ZZZ3: variants seen among roughly 807,000 people sequenced by gnomAD.
The protein encoded by ZZZ3 is zinc finger ZZ-type containing 3.
A neutral mutation model predicts 95.2 loss-of-function variants in ZZZ3; 22 were observed. The observed-to-expected ratio is 0.23, with a 90% CI of 0.17 to 0.33. The LOEUF (loss-of-function observed/expected upper bound fraction) is 0.33. ZZZ3 is among the 10% of genes least tolerant of loss of function. The pLI is 1.00. For missense variants in ZZZ3, 885 were observed against 1,066.5 expected (o/e 0.83, Z 2.37); for synonymous variants, 335 against 358.9 (o/e 0.93, Z 0.75).
At chr1:77,571,288 AT>A (rs781331299) in intron 12 of ZZZ3, among the ~76,000 whole-genome samples, 157 of 152,032 alleles carry the variant, frequency 1.0e-3, no homozygotes, top group Admixed American at 1.4e-3. Flanking sequence ...TACTGAAAAA[AT>A]AAATAAATAA....
chr1:77,619,916 GC>G (rs1323233157), intron 5 of ZZZ3, among the ~76,000 whole-genome samples: 8 of 151,988 alleles, frequency 5.3e-5, no homozygotes, highest in Admixed American at 4.6e-4. Flanking sequence ...TGAAAAGCAT[GC>G]TAAATTTTTC....
At chr1:77,648,021 G>C (rs1281180586) in intron 1 of ZZZ3, among the ~76,000 whole-genome samples, 1 of 152,122 alleles carries the variant, frequency 6.6e-6, no homozygotes, top group Non-Finnish European at 1.5e-5. Context: ...AAAAAATCCA[G>C]CTCCAAACAA....
chr1:77,628,773 T>C (rs1223220040), intron 5 of ZZZ3, among the ~76,000 whole-genome samples: 1 of 152,202 alleles, frequency 6.6e-6, no homozygotes, highest in Non-Finnish European at 1.5e-5. Flanking sequence ...CTCAGTATTT[T>C]CTATTAACAA....
At chr1:77,575,581 A>G (rs1033726109) in intron 12 of ZZZ3, among the ~76,000 whole-genome samples, 3 of 152,222 alleles carry the variant, frequency 2.0e-5, no homozygotes, top group Admixed American at 2.0e-4. Flanking sequence ...AAAATTCTAT[A>G]AGACAAATGA....
intron 5 of ZZZ3, among the ~76,000 whole-genome samples, chr1:77,600,662 T>C (rs1168480876): frequency 6.6e-6 from 1 of 151,728 alleles, no homozygotes; most frequent in East Asian, 1.9e-4. Flanking sequence ...GTTCCCGGGG[T>C]TGTTCCAAAC....
chr1:77,591,134 A>G (rs1359817899), intron 5 of ZZZ3, among the ~76,000 whole-genome samples: 2 of 150,372 alleles, frequency 1.3e-5, no homozygotes, highest in Admixed American at 1.3e-4. Context: ...CAACCAGAGG[A>G]CATAAGGTGA....
intron 1 of ZZZ3, among the ~76,000 whole-genome samples, chr1:77,648,627 GTCAA>G (rs1669519996): frequency 6.6e-6 from 1 of 152,076 alleles, no homozygotes; most frequent in Admixed American, 6.6e-5. Context: ...GAAAGAAAAG[GTCAA>G]TCAATCTGAT....
chr1:77,667,394 T>G (rs1671335002), intron 1 of ZZZ3, among the ~76,000 whole-genome samples: 1 of 152,146 alleles, frequency 6.6e-6, no homozygotes, highest in Non-Finnish European at 1.5e-5. Flanking sequence ...CCGTCTCCCT[T>G]GCAGTATGAA....
chr1:77,564,093 T>C lies in ZZZ3; in HGVS notation c.*1547A>G, dbSNP rs1479973069. 1 of 152,078 alleles carries C rather than the reference T, an allele frequency of 6.6e-6. No homozygotes were observed. The highest frequency in any genetic ancestry group is 1.5e-5 in the Non-Finnish European group (1 of 68,000). 9.4% of individuals were successfully genotyped at this position (152,078 alleles called of 1,614,324 possible). A position where few individuals can be genotyped will look rare whatever the true frequency, so the allele number is the denominator to read the frequency against. On this transcript the variant is annotated 3_prime_UTR_variant, in exon 15 of 15. Coordinates refer to ENST00000370801, the MANE Select transcript of ZZZ3 (RefSeq NM_015534.6). ...AGAATATTTATACTATCTTTTCCTATAGTTAATAGTAATTTCCAGGAAACA... is the reference window on the plus strand; with the variant it reads ...AGAATATTTATACTATCTTTTCCTACAGTTAATAGTAATTTCCAGGAAACA...
intron 1 of ZZZ3, among the ~76,000 whole-genome samples, chr1:77,675,548 C>T (rs1208024639): frequency 1.3e-5 from 2 of 151,860 alleles, no homozygotes; most frequent in South Asian, 2.1e-4. Context: ...TACATCACAT[C>T]GAATTGTTCA....
intron 10 of ZZZ3, among the ~76,000 whole-genome samples, chr1:77,579,287 GAAATT>G (rs1662267947): frequency 6.6e-6 from 1 of 152,116 alleles, no homozygotes; most frequent in East Asian, 1.9e-4. Context: ...GCATTCAAGA[GAAATT>G]AAGTCCATTA....
At chr1:77,627,438 C>T (rs555902045) in intron 5 of ZZZ3, among the ~76,000 whole-genome samples, 1 of 152,258 alleles carries the variant, frequency 6.6e-6, no homozygotes, top group South Asian at 2.1e-4. Context: ...AAAGAAATTA[C>T]TTTGACCAAC....
intron 5 of ZZZ3, among the ~76,000 whole-genome samples, chr1:77,629,183 T>C (rs1194925962): frequency 6.6e-6 from 1 of 152,162 alleles, no homozygotes; most frequent in African/African-American, 2.4e-5. Context: ...AAAGAGACTT[T>C]ACTGAAAGAG....
At chr1:77,658,302 T>C (rs570887354) in intron 1 of ZZZ3, among the ~76,000 whole-genome samples, 1 of 152,228 alleles carries the variant, frequency 6.6e-6, no homozygotes. Flanking sequence ...CTGGCATTTA[T>C]TCCCCACTTA....
At chr1:77,661,853 G>C (rs539358004) in intron 1 of ZZZ3, among the ~76,000 whole-genome samples, 2 of 151,934 alleles carry the variant, frequency 1.3e-5, no homozygotes, top group Non-Finnish European at 2.9e-5. Context: ...GTCTTGCTCT[G>C]TTGCCCAGGC....
chr1:77,638,430 C>A (rs999128864), intron 4 of ZZZ3, among the ~76,000 whole-genome samples: 2 of 152,096 alleles, frequency 1.3e-5, no homozygotes, highest in South Asian at 2.1e-4. Context: ...TAGAACTGTA[C>A]GCATAAGAAC....
At chr1:77,602,124 C>T (rs1664790255) in intron 5 of ZZZ3, among the ~76,000 whole-genome samples, 1 of 152,182 alleles carries the variant, frequency 6.6e-6, no homozygotes, top group African/African-American at 2.4e-5. Flanking sequence ...GAAACCATGC[C>T]TTTAGAGTTG....
chr1:77,577,866 G>A (rs1235119484), intron 11 of ZZZ3, among the ~76,000 whole-genome samples: 8 of 152,050 alleles, frequency 5.3e-5, no homozygotes, highest in African/African-American at 9.7e-5. Context: ...TGATCCACCC[G>A]CCTCGGCCTC....
At chr1:77,604,998 C>T (rs1224891301) in intron 5 of ZZZ3, among the ~76,000 whole-genome samples, 1 of 152,120 alleles carries the variant, frequency 6.6e-6, no homozygotes, top group Admixed American at 6.5e-5. Context: ...TATAAGGCTC[C>T]ACCGATGGTC....
Sources: allele counts gnomAD v4.1 joint callset (sites outside exome capture counted in the v4.1 genomes callset), GRCh38; gene constraint gnomAD v4.1.1; transcripts MANE v1.5; gene names NCBI Gene and HGNC (gene_info 2026-07-23, HGNC 2026-07-21).